Variants in VPS13B observed in about 807,000 individuals in gnomAD.
The protein encoded by VPS13B is vacuolar protein sorting 13 homolog B.
In VPS13B, 285 loss-of-function variants were observed where a neutral mutation model predicts 426.4. That is an observed-to-expected ratio of 0.67 (90% confidence interval 0.61 to 0.74). VPS13B has a LOEUF of 0.74. Among genes scored for constraint, VPS13B ranks in the 30% least tolerant of loss-of-function variants. The probability of loss-of-function intolerance (pLI) is 0.00; values close to 1 mark genes in which losing one functional copy is unlikely to be tolerated. For synonymous variants in VPS13B, 1,676 were observed against 1,676.4 expected, an observed-to-expected ratio of 1.00 and a Z score of 0.01; for missense variants, 4,537 against 4,782.6, an observed-to-expected ratio of 0.95 and a Z score of 1.51.
intron 19 of VPS13B, among the ~76,000 whole-genome samples, chr8:99,361,766 C>A (rs985609533): frequency 1.3e-5 from 2 of 152,108 alleles, no homozygotes; most frequent in Non-Finnish European, 2.9e-5. Context: ...AAGCTGAAGG[C>A]AGAACTATTT....
intron 54 of VPS13B, among the ~76,000 whole-genome samples, chr8:99,841,430 C>T (rs1264208171): frequency 6.6e-6 from 1 of 152,198 alleles, no homozygotes; most frequent in Non-Finnish European, 1.5e-5. Context: ...CTTCTAGAGT[C>T]TCTGCATCAG....
chr8:99,839,343 T>C (rs1815559095), intron 54 of VPS13B, among the ~76,000 whole-genome samples: 1 of 152,114 alleles, frequency 6.6e-6, no homozygotes, highest in South Asian at 2.1e-4. Context: ...ACAGGCACAG[T>C]CTCCATTCTT....
At chr8:99,319,794 C>A (rs897074702) in intron 19 of VPS13B, among the ~76,000 whole-genome samples, 1 of 152,124 alleles carries the variant, frequency 6.6e-6, no homozygotes, top group Non-Finnish European at 1.5e-5. Context: ...ACAAGATAAT[C>A]GACCTTTTAC....
intron 15 of VPS13B, among the ~76,000 whole-genome samples, chr8:99,157,667 A>G (rs1453277979): frequency 6.6e-6 from 1 of 152,220 alleles, no homozygotes; most frequent in African/African-American, 2.4e-5. Flanking sequence ...GAAGAGTCCC[A>G]TAACTCTACT....
At chr8:99,354,679 AAGAATATTT>A (rs1234224426) in intron 19 of VPS13B, among the ~76,000 whole-genome samples, 4 of 152,154 alleles carry the variant, frequency 2.6e-5, no homozygotes, top group Non-Finnish European at 5.9e-5. Context: ...TTAAAATACC[AAGAATATTT>A]AGAATATTTA....
intron 3 of VPS13B, among the ~76,000 whole-genome samples, chr8:99,084,656 T>C (rs1414513726): frequency 6.6e-6 from 1 of 152,192 alleles, no homozygotes; most frequent in East Asian, 1.9e-4. Flanking sequence ...ATGTTGTGTC[T>C]TTGTTCTCAT....
chr8:99,192,551 A>T (rs1433900608), intron 16 of VPS13B, among the ~76,000 whole-genome samples: 1 of 152,186 alleles, frequency 6.6e-6, no homozygotes, highest in Admixed American at 6.5e-5. Flanking sequence ...TTGCTAGTAA[A>T]TCCTTTCTAA....
At chr8:99,852,207 A>G (rs908017418) in intron 55 of VPS13B, among the ~76,000 whole-genome samples, 1 of 152,220 alleles carries the variant, frequency 6.6e-6, no homozygotes, top group South Asian at 2.1e-4. Context: ...GGAAAGATCA[A>G]GAGATTGGTT....
chr8:99,643,981 A>G (rs1218648007), intron 34 of VPS13B, among the ~76,000 whole-genome samples: 2 of 152,230 alleles, frequency 1.3e-5, no homozygotes, highest in African/African-American at 2.4e-5. Context: ...ACTTAAGTGC[A>G]GGATTAGGAG....
intron 3 of VPS13B, among the ~76,000 whole-genome samples, chr8:99,050,751 C>T (rs1052417155): frequency 1.1e-4 from 16 of 152,268 alleles, no homozygotes; most frequent in Admixed American, 7.2e-4. Flanking sequence ...TGGTATCTCA[C>T]TGTGGTTTTG....
At chr8:99,430,702 A>AC (rs796824615) in intron 21 of VPS13B, among the ~76,000 whole-genome samples, 7,429 of 124,660 alleles carry the variant, frequency 0.06, 275 homozygotes, top group African/African-American at 0.13. Flanking sequence ...ATCAAAATCC[A>AC]CCCCCCCCCC....
intron 40 of VPS13B, among the ~76,000 whole-genome samples, chr8:99,775,176 G>C (rs533448135): frequency 2.6e-5 from 4 of 152,118 alleles, no homozygotes; most frequent in African/African-American, 4.8e-5. Flanking sequence ...GGGTCGTTCT[G>C]TTTGGTAATT....
At chr8:99,340,667 G>A (rs923561233) in intron 19 of VPS13B, 2 of 406,138 alleles carry the variant, frequency 4.9e-6, no homozygotes, top group Non-Finnish European at 9.5e-6. Flanking sequence ...AGGAGGCTGA[G>A]GAATAGTTGA....
intron 23 of VPS13B, among the ~76,000 whole-genome samples, chr8:99,462,937 A>G (rs1222947758): frequency 6.6e-6 from 1 of 152,184 alleles, no homozygotes; most frequent in Non-Finnish European, 1.5e-5. Flanking sequence ...GAACTCCCAG[A>G]GCTCTTAGAG....
intron 17 of VPS13B, among the ~76,000 whole-genome samples, chr8:99,258,280 T>C (rs1243149676): frequency 6.6e-6 from 1 of 151,956 alleles, no homozygotes; most frequent in African/African-American, 2.4e-5. Flanking sequence ...TTGTTTTTTT[T>C]CTCAAGTTAT....
At chr8:99,767,470 T>C (rs1811282704) in intron 40 of VPS13B, among the ~76,000 whole-genome samples, 1 of 104,494 alleles carries the variant, frequency 9.6e-6, no homozygotes, top group Non-Finnish European at 1.8e-5. Context: ...AAGCCTCCCC[T>C]AGGTGACAAA....
At chr8:99,648,857 A>T (rs1466542393) in intron 34 of VPS13B, among the ~76,000 whole-genome samples, 1 of 152,100 alleles carries the variant, frequency 6.6e-6, no homozygotes, top group Admixed American at 6.5e-5. Flanking sequence ...TCCCTCTGGT[A>T]GATTTTTCTT....
chr8:99,622,295 G>A (rs1445688590), intron 33 of VPS13B, among the ~76,000 whole-genome samples: 2 of 152,042 alleles, frequency 1.3e-5, no homozygotes, highest in Non-Finnish European at 2.9e-5. Flanking sequence ...CAGAGATTAC[G>A]GTCCCATAAC....
chr8:99,148,762 CT>C (rs1810890991), intron 14 of VPS13B, among the ~76,000 whole-genome samples: 1 of 152,216 alleles, frequency 6.6e-6, no homozygotes, highest in African/African-American at 2.4e-5. Flanking sequence ...GCCAGCTCCC[CT>C]GTCCCTTGTT....
Sources: gnomAD v4.1 joint callset for allele counts (sites outside exome capture counted in the v4.1 genomes callset) on GRCh38, gnomAD v4.1.1 for gene constraint, MANE v1.5 for transcripts, NCBI Gene and HGNC (gene_info 2026-07-23, HGNC 2026-07-21) for gene names.